CDH12: variants seen among roughly 807,000 people sequenced by gnomAD.
The protein encoded by CDH12 is cadherin 12, also known as cadherin-12.
In CDH12, 41 loss-of-function variants were observed where a neutral mutation model predicts 74.1. The observed-to-expected ratio is 0.55, with a 90% CI of 0.43 to 0.72. CDH12 has a LOEUF of 0.72. Among genes scored for constraint, CDH12 ranks in the 30% least tolerant of loss-of-function variants. The pLI, the probability that CDH12 is intolerant of heterozygous loss-of-function variation, is 0.00. For missense variants in CDH12, 945 were observed against 977.2 expected (o/e 0.97, Z 0.44); for synonymous variants, 399 against 355.0 (o/e 1.12, Z -1.39).
intron 1 of CDH12, among the ~76,000 whole-genome samples, chr5:22,787,141 CA>C (rs1451549277): frequency 1.3e-5 from 2 of 148,274 alleles, no homozygotes; most frequent in Non-Finnish European, 3.0e-5. Context: ...ACACACACCA[CA>C]CACACACACA....
intron 6 of CDH12, among the ~76,000 whole-genome samples, chr5:21,921,863 C>T (rs1754367651): frequency 6.6e-6 from 1 of 152,176 alleles, no homozygotes. Flanking sequence ...CTGGCCTTCC[C>T]CTCCTTTGTC....
At chr5:21,947,814 G>GA (rs1195607885) in intron 6 of CDH12, among the ~76,000 whole-genome samples, 1 of 152,162 alleles carries the variant, frequency 6.6e-6, no homozygotes, top group Admixed American at 6.5e-5. Context: ...GGCCTCTGAG[G>GA]AAAAAAGGTT....
chr5:22,070,855 T>A (rs1199121132), intron 5 of CDH12, among the ~76,000 whole-genome samples: 4 of 152,174 alleles, frequency 2.6e-5, no homozygotes, highest in Non-Finnish European at 5.9e-5. Context: ...GATGCCTTTA[T>A]CCTCAGCAAA....
intron 3 of CDH12, among the ~76,000 whole-genome samples, chr5:22,318,637 T>C (rs1738730370): frequency 6.6e-6 from 1 of 152,208 alleles, no homozygotes; most frequent in African/African-American, 2.4e-5. Context: ...AGCCATTGCC[T>C]TCTCAGCCCT....
At chr5:22,825,856 A>G (rs900225252) in intron 1 of CDH12, among the ~76,000 whole-genome samples, 4 of 152,202 alleles carry the variant, frequency 2.6e-5, no homozygotes, top group Admixed American at 6.6e-5. Flanking sequence ...AGAAATTTGC[A>G]AATACCTAGA....
intron 2 of CDH12, among the ~76,000 whole-genome samples, chr5:22,409,320 A>G (rs1014302571): frequency 1.3e-5 from 2 of 152,028 alleles, no homozygotes; most frequent in Non-Finnish European, 2.9e-5. Flanking sequence ...CACTTGTAGC[A>G]CAGCATGTTT....
At chr5:22,568,729 A>G (rs757399231) in intron 1 of CDH12, among the ~76,000 whole-genome samples, 6 of 152,232 alleles carry the variant, frequency 3.9e-5, no homozygotes, top group Non-Finnish European at 8.8e-5. Flanking sequence ...AGAATAAAGC[A>G]AATATCATAA....
intron 10 of CDH12, among the ~76,000 whole-genome samples, chr5:21,795,639 T>G (rs989127597): frequency 3.9e-5 from 6 of 151,962 alleles, no homozygotes; most frequent in African/African-American, 1.4e-4. Flanking sequence ...ATACTTCATT[T>G]AATTCTCACA....
At chr5:21,883,251 T>G in intron 6 of CDH12, 2 of 1,349,466 alleles carry the variant, frequency 1.5e-6, no homozygotes, top group Non-Finnish European at 2.1e-6. Context: ...GAAGTTTGAT[T>G]GAGGGTATAT....
At chr5:21,837,044 G>A (rs1749574274) in intron 8 of CDH12, among the ~76,000 whole-genome samples, 1 of 151,844 alleles carries the variant, frequency 6.6e-6, no homozygotes, top group Non-Finnish European at 1.5e-5. Context: ...AAGAAGTTAG[G>A]GTTCTTGGAC....
At chr5:21,890,226 C>T (rs991700434) in intron 6 of CDH12, among the ~76,000 whole-genome samples, 4 of 152,012 alleles carry the variant, frequency 2.6e-5, no homozygotes, top group Non-Finnish European at 4.4e-5. Context: ...TTCCCTCATT[C>T]GTTTCCCTAT....
intron 1 of CDH12, among the ~76,000 whole-genome samples, chr5:22,692,215 C>A (rs923993494): frequency 1.3e-5 from 2 of 152,224 alleles, no homozygotes; most frequent in Non-Finnish European, 2.9e-5. Context: ...CCACCATGAA[C>A]TGAAGCAGTC....
At chr5:22,817,584 T>C (rs1404846948) in intron 1 of CDH12, among the ~76,000 whole-genome samples, 1 of 152,182 alleles carries the variant, frequency 6.6e-6, no homozygotes, top group East Asian at 1.9e-4. Flanking sequence ...TACTGAGTTA[T>C]ATTGATTTAA....
chr5:21,865,025 T>C (rs1163606982), intron 6 of CDH12, among the ~76,000 whole-genome samples: 4 of 152,170 alleles, frequency 2.6e-5, no homozygotes, highest in East Asian at 3.9e-4. Flanking sequence ...ACATGAATCT[T>C]TTTCAGAACT....
chr5:22,414,002 T>A (rs551117411), intron 2 of CDH12, among the ~76,000 whole-genome samples: 3 of 152,050 alleles, frequency 2.0e-5, no homozygotes, highest in Non-Finnish European at 2.9e-5. Flanking sequence ...TAATTACATT[T>A]AGTCCTCAAA....
chr5:22,671,862 G>T (rs1345775082), intron 1 of CDH12, among the ~76,000 whole-genome samples: 7 of 150,830 alleles, frequency 4.6e-5, no homozygotes, highest in African/African-American at 1.2e-4. Context: ...TCCTTTTTGG[G>T]GGTGGGGTAA....
At chr5:22,205,306 C>A (rs964117764) in intron 4 of CDH12, among the ~76,000 whole-genome samples, 1 of 151,954 alleles carries the variant, frequency 6.6e-6, no homozygotes, top group Admixed American at 6.6e-5. Context: ...AAACAAAAAG[C>A]CTGCCTTCAT....
chr5:22,739,923 T>TTAC (rs1462499315), intron 1 of CDH12, among the ~76,000 whole-genome samples: 2 of 152,128 alleles, frequency 1.3e-5, no homozygotes, highest in Admixed American at 6.6e-5. Context: ...GTACATTATG[T>TTAC]TACTATACCT....
chr5:22,841,459 A>G (rs904151673), intron 1 of CDH12, among the ~76,000 whole-genome samples: 1 of 152,168 alleles, frequency 6.6e-6, no homozygotes, highest in Non-Finnish European at 1.5e-5. Flanking sequence ...TAGATATCCA[A>G]GTAGATATGC....
Sources: gnomAD v4.1 joint callset for allele counts (sites outside exome capture counted in the v4.1 genomes callset) on GRCh38, gnomAD v4.1.1 for gene constraint, MANE v1.5 for transcripts, NCBI Gene and HGNC (gene_info 2026-07-23, HGNC 2026-07-21) for gene names.